The following PRUNE2 variants were observed in gnomAD, a reference collection of about 807,000 sequenced individuals.
PRUNE2 encodes protein prune homolog 2.
A neutral mutation model predicts 252.0 loss-of-function variants in PRUNE2; 164 were observed. The ratio of observed to expected loss-of-function variants is 0.65; its 90% CI spans 0.57 to 0.74. The LOEUF (loss-of-function observed/expected upper bound fraction) is 0.74. Ranked by LOEUF, PRUNE2 falls within the 30% of genes least tolerant of loss-of-function variation. PRUNE2 has a pLI of 0.00. For synonymous variants in PRUNE2, 1,292 were observed against 1,350.2 expected, an observed-to-expected ratio of 0.96 and a Z score of 0.94; for missense variants, 3,495 against 3,711.0, an observed-to-expected ratio of 0.94 and a Z score of 1.51.
chr9:76,716,391 C>G (rs910292147), intron 6 of PRUNE2, among the ~76,000 whole-genome samples: 2 of 152,138 alleles, frequency 1.3e-5, no homozygotes, highest in African/African-American at 4.8e-5. Flanking sequence ...TTGGAATGCA[C>G]GTTGAAATCT....
chr9:76,847,001 T>C (rs1589553691), intron 3 of PRUNE2, among the ~76,000 whole-genome samples: 1 of 152,212 alleles, frequency 6.6e-6, no homozygotes, highest in Non-Finnish European at 1.5e-5. Context: ...AGGTGTATTA[T>C]CATATTTTAT....
At chr9:76,616,975 A>G (rs1044207768) in intron 18 of PRUNE2, among the ~76,000 whole-genome samples, 2 of 150,160 alleles carry the variant, frequency 1.3e-5, no homozygotes, top group African/African-American at 5.0e-5. Context: ...TAAATAAATA[A>G]ATACATAAAT....
intron 6 of PRUNE2, among the ~76,000 whole-genome samples, chr9:76,776,549 T>G (rs546915328): frequency 4.7e-5 from 5 of 105,340 alleles, no homozygotes; most frequent in Middle Eastern, 4.1e-3. Context: ...TGAGTCTCGC[T>G]CTGTTGCCCA....
At chr9:76,793,969 C>T (rs1262926400) in intron 6 of PRUNE2, among the ~76,000 whole-genome samples, 3 of 152,166 alleles carry the variant, frequency 2.0e-5, no homozygotes, top group Admixed American at 1.3e-4. Flanking sequence ...TGAACTTACC[C>T]AGTAAGGGCT....
Position 76,850,528 on chromosome 9 carries a change from G to T in PRUNE2, c.279C>A (p.Asn93Lys). Residue 93 changes from asparagine to lysine, a missense_variant, in exon 3 of 19, where the codon AAC becomes AAA. Transcript: ENST00000376718. ...ESFHIFRDEINLHQLNDEGKL... is the reference protein window; with the variant it reads ...ESFHIFRDEIKLHQLNDEGKL... ...TCCCTTCATCATTTAGCTGATGCAG[G>T]TTAATTTCATCCCGGAATATGTGGA... 1.9e-6 allele frequency: 3 copies of T among 1,613,892 alleles called. No homozygotes were observed. The highest frequency in any genetic ancestry group is 2.5e-6 in the Non-Finnish European group (3 of 1,179,914).
At chr9:76,750,161 T>C (rs1405063752) in intron 6 of PRUNE2, among the ~76,000 whole-genome samples, 1 of 152,194 alleles carries the variant, frequency 6.6e-6, no homozygotes, top group African/African-American at 2.4e-5. Flanking sequence ...TCTTCTATTA[T>C]ATATTAGTAA....
rs2046479183 is a variant in PRUNE2, at chr9:76,708,657, G to A, written c.3617C>T (p.Thr1206Ile). 1.2e-6 allele frequency: 2 copies of A among 1,613,830 alleles called. No homozygotes were observed. The highest frequency in any genetic ancestry group is 1.7e-6 in the Non-Finnish European group (2 of 1,179,906). ...TAGCTGCCCACTTTTCTCATTCAATGTGTGATGTTCACTGGGAGCACTGTC... is the reference window on the plus strand; with the variant it reads ...TAGCTGCCCACTTTTCTCATTCAATATGTGATGTTCACTGGGAGCACTGTC... ...TKDSAPSEHH[T>I]LNEKSGQLIA... The change falls in exon 8 of 19, where the codon ACA becomes ATA. Residue 1206 changes from threonine to isoleucine, a missense_variant. Coordinates refer to ENST00000376718, the MANE Select transcript of PRUNE2 (RefSeq NM_015225.3).
chr9:76,641,464 T>TA (rs1163025044), intron 12 of PRUNE2, among the ~76,000 whole-genome samples: 1 of 152,168 alleles, frequency 6.6e-6, no homozygotes, highest in Non-Finnish European at 1.5e-5. Flanking sequence ...AATTTAAATT[T>TA]AAAAAATCAG....
intron 9 of PRUNE2, among the ~76,000 whole-genome samples, chr9:76,696,085 C>A (rs1406041799): frequency 6.6e-6 from 1 of 152,114 alleles, no homozygotes; most frequent in Non-Finnish European, 1.5e-5. Context: ...AGTACCCACC[C>A]CAGTTGTGAC....
At position 76,848,501 on chromosome 9, in the gene PRUNE2, T is replaced by C. The variant is rs188153676; in HGVS notation, c.345-1823A>G. ...AAGTAAATGAATTGCATAATAGATA[T>C]CACAATACATTCATACCTAAATATG... On this transcript the variant is annotated intron_variant, in intron 3 of 18. Coordinates refer to ENST00000376718, the MANE Select transcript of PRUNE2 (RefSeq NM_015225.3). 1.8e-3 allele frequency among the ~76,000 whole-genome samples: 281 copies of C among 152,340 alleles called. 1 individual carries two copies. The highest frequency in any genetic ancestry group is 5.9e-3 in the African/African-American group (245 of 41,572).
chr9:76,703,151 T>A (rs2046030635), intron 9 of PRUNE2, among the ~76,000 whole-genome samples, 186 bp downstream of exon 9: 1 of 151,808 alleles, frequency 6.6e-6, no homozygotes, highest in Admixed American at 6.6e-5. Context: ...GCTGAAAATG[T>A]ACATAAATTA....
chr9:76,804,251 G>C (rs1385851001), intron 6 of PRUNE2, among the ~76,000 whole-genome samples: 1 of 152,292 alleles, frequency 6.6e-6, no homozygotes, highest in Non-Finnish European at 1.5e-5. Context: ...ACTGCACGGG[G>C]CACACGGGCC....
At chr9:76,656,994 G>A (rs1849499521) in intron 9 of PRUNE2, among the ~76,000 whole-genome samples, 1 of 152,210 alleles carries the variant, frequency 6.6e-6, no homozygotes, top group Non-Finnish European at 1.5e-5. Context: ...ACTATGATAG[G>A]TGGAATCAAA....
intron 1 of PRUNE2, among the ~76,000 whole-genome samples, chr9:76,892,611 T>C (rs2062551577): frequency 6.6e-6 from 1 of 152,152 alleles, no homozygotes; most frequent in African/African-American, 2.4e-5. Context: ...TGTAATAACT[T>C]AGGAAAATAA....
intron 6 of PRUNE2, 189 bp downstream of exon 6, chr9:76,823,443 G>C: frequency 1.9e-6 from 1 of 534,158 alleles, no homozygotes; most frequent in Non-Finnish European, 3.4e-6. Context: ...ATCCAGGTTT[G>C]GCATTTTTCA....
intron 6 of PRUNE2, chr9:76,758,756 A>G (rs1227745300): frequency 6.6e-6 from 1 of 152,088 alleles, no homozygotes; most frequent in Non-Finnish European, 1.5e-5. Context: ...TTAACCCTCA[A>G]CACAATCTGG....
intron 1 of PRUNE2, among the ~76,000 whole-genome samples, chr9:76,890,260 C>A (rs368486358): frequency 1.3e-5 from 2 of 152,262 alleles, no homozygotes; most frequent in African/African-American, 2.4e-5. Flanking sequence ...ACAGAAAACA[C>A]TGATAGATGT....
At chr9:76,668,791 C>T (rs1054325813) in intron 9 of PRUNE2, among the ~76,000 whole-genome samples, 4 of 151,664 alleles carry the variant, frequency 2.6e-5, no homozygotes, top group Admixed American at 6.6e-5. Flanking sequence ...GGGGACTTCT[C>T]ACCTTGGGAG....
chr9:76,780,909 A>G (rs1304250671), intron 6 of PRUNE2, among the ~76,000 whole-genome samples: 5 of 152,126 alleles, frequency 3.3e-5, no homozygotes, highest in African/African-American at 4.8e-5. Flanking sequence ...TGCAACCCTC[A>G]TCCCCGTGTG....
Sources: allele counts gnomAD v4.1 joint callset (sites outside exome capture counted in the v4.1 genomes callset), GRCh38; gene constraint gnomAD v4.1.1; transcripts MANE v1.5; gene names NCBI Gene and HGNC (gene_info 2026-07-23, HGNC 2026-07-21).